Variants in SPATA1 observed in about 807,000 individuals in gnomAD.
SPATA1 encodes spermatogenesis associated 1.
In SPATA1, 57 loss-of-function variants were observed where a neutral mutation model predicts 59.6. The ratio of observed to expected loss-of-function variants is 0.96; its 90% CI spans 0.77 to 1.19. The LOEUF (loss-of-function observed/expected upper bound fraction) is 1.19, where lower values mean the gene tolerates loss of function less well. Among genes scored for constraint, SPATA1 ranks in the 50% most tolerant of loss-of-function variants. SPATA1 has a pLI of 0.00. For missense variants in SPATA1, 448 were observed against 480.7 expected (o/e 0.93, Z 0.64); for synonymous variants, 147 against 163.9 (o/e 0.90, Z 0.79).
chr1:84,553,379 A>T (rs1684333908), exon 13 of SPATA1: 1 of 163,108 alleles, frequency 6.1e-6, no homozygotes, highest in African/African-American at 2.4e-5. Flanking sequence ...TTTCATTTTA[A>T]TAATTTAATA....
At chr1:84,560,337 A>T (rs1159371163) in intron 4 of SPATA1, among the ~76,000 whole-genome samples, 1 of 152,114 alleles carries the variant, frequency 6.6e-6, no homozygotes, top group Non-Finnish European at 1.5e-5. Context: ...CATGAGAAGA[A>T]ATCCTTCACA....
At chr1:84,534,495 G>T (rs555552440) in intron 8 of SPATA1, among the ~76,000 whole-genome samples, 5 of 152,210 alleles carry the variant, frequency 3.3e-5, no homozygotes, top group Non-Finnish European at 7.4e-5. Flanking sequence ...GAGGCACAGA[G>T]AGGTTCCATG....
intron 8 of SPATA1, among the ~76,000 whole-genome samples, chr1:84,538,831 A>G (rs761697590): frequency 6.6e-6 from 1 of 152,156 alleles, no homozygotes; most frequent in Non-Finnish European, 1.5e-5. Flanking sequence ...ACAGGGTCTC[A>G]TTCTGTTGCC....
intron 4 of SPATA1, chr1:84,563,406 T>C: frequency 6.5e-7 from 1 of 1,537,338 alleles, no homozygotes; most frequent in South Asian, 1.3e-5. Flanking sequence ...TTTGCAATGG[T>C]ACAAACATGA....
At chr1:84,531,973 G>A (rs893379037) in intron 6 of SPATA1, among the ~76,000 whole-genome samples, 7 of 152,110 alleles carry the variant, frequency 4.6e-5, no homozygotes, top group African/African-American at 7.2e-5. Flanking sequence ...TGCCAGGTTC[G>A]TGTATCTTTT....
chr1:84,534,738 A>G (rs1395164689), intron 8 of SPATA1, among the ~76,000 whole-genome samples: 1 of 152,112 alleles, frequency 6.6e-6, no homozygotes, highest in East Asian at 1.9e-4. Context: ...TGGAGGTACT[A>G]TTATCTCTAT....
rs796577199 is a variant in SPATA1, at chr1:84,511,666, TTTTTC to T, written c.-137-4553_-137-4549del. ...TCAGGCATTTCAGGCTTTTTTTTTT[TTTTTC>T]TTTCTTTCTTTTTTTTTTTTTTTTT... On this transcript the variant is annotated intron_variant, in intron 1 of 12. Transcript: ENST00000490879. Among the ~76,000 whole-genome samples, 1,206 of 122,978 alleles carry T rather than the reference TTTTTC, an allele frequency of 9.8e-3. 13 individuals are homozygous for T. The highest frequency in any genetic ancestry group is 0.022 in the African/African-American group (573 of 25,716). 80.7% of individuals were successfully genotyped at this position (122,978 alleles called of 152,430 possible).
At chr1:84,553,776 G>A (rs1312464088) in exon 13 of SPATA1, 1 of 152,024 alleles carries the variant, frequency 6.6e-6, no homozygotes, top group Non-Finnish European at 1.5e-5. Flanking sequence ...CAATTTACAG[G>A]GGCAAAATGT....
At chr1:84,554,861 A>T (rs566173961), downstream of SPATA1, 3 of 695,170 alleles carry the variant, frequency 4.3e-6, no homozygotes, top group Non-Finnish European at 6.9e-6. Flanking sequence ...TTCAAATTCA[A>T]ACAATCAAAA....
chr1:84,543,327 A>G (rs947756699), intron 8 of SPATA1, among the ~76,000 whole-genome samples: 9 of 152,200 alleles, frequency 5.9e-5, no homozygotes, highest in African/African-American at 2.2e-4. Flanking sequence ...AAAAGGGTAG[A>G]TATTAGTCTG....
At chr1:84,548,750 C>CTCTTTT (rs1684173767) in intron 10 of SPATA1, 36 bp from the exon 11 acceptor site, 1 of 820,214 alleles carries the variant, frequency 1.2e-6, no homozygotes, top group Non-Finnish European at 1.5e-6. Context: ...AAGGCCTTTC[C>CTCTTTT]TTTTTTTTTT....
At chr1:84,548,212 C>T (rs191545953) in intron 10 of SPATA1, among the ~76,000 whole-genome samples, 25 of 151,920 alleles carry the variant, frequency 1.6e-4, no homozygotes, top group African/African-American at 6.0e-4. Flanking sequence ...CTATGATAAT[C>T]TAAAAGAAAG....
rs1348005532 is a variant in SPATA1, at chr1:84,549,121, T to C, written c.1125+157T>C. ...ATGACCTTATGTAATAGGAGGAGCA[T>C]TGCTGAGGAGATACAGTCAGCAGCT... On this transcript the variant is annotated intron_variant, in intron 11 of 12. Transcript: ENST00000490879. Among the ~76,000 whole-genome samples, 3 of 152,122 alleles carry C rather than the reference T, an allele frequency of 2.0e-5. No homozygotes were observed. The East Asian group carries it at 5.8e-4, about 29-fold the overall frequency.
chr1:84,522,405 T>C, exon 4 of SPATA1: 1 of 1,494,520 alleles, frequency 6.7e-7, no homozygotes, highest in Non-Finnish European at 8.9e-7. Flanking sequence ...CTCCTCAACT[T>C]ACTTTACGAG....
downstream of SPATA1, among the ~76,000 whole-genome samples, chr1:84,557,907 A>T (rs1027386026): frequency 7.2e-5 from 11 of 151,922 alleles, no homozygotes; most frequent in African/African-American, 2.7e-4. Flanking sequence ...TTTTTTTCTA[A>T]AGTGGCATTA....
At chr1:84,544,061 G>A in intron 8 of SPATA1, 141 bp from the exon 9 acceptor site, 1 of 621,394 alleles carries the variant, frequency 1.6e-6, no homozygotes, top group Non-Finnish European at 2.9e-6. Flanking sequence ...AGAATCTGCA[G>A]CTATAAATAC....
chr1:84,521,136 G>C (rs947285724), intron 3 of SPATA1, among the ~76,000 whole-genome samples: 3 of 144,920 alleles, frequency 2.1e-5, no homozygotes, highest in Non-Finnish European at 3.0e-5. Context: ...AGAGAAAGAG[G>C]GAAAAAGAAA....
chr1:84,517,745 T>C (rs556322840), intron 2 of SPATA1, among the ~76,000 whole-genome samples: 1 of 152,040 alleles, frequency 6.6e-6, no homozygotes, highest in Non-Finnish European at 1.5e-5. Context: ...TTCCAAGGGA[T>C]TGACTCCAGC....
chr1:84,536,588 T>C (rs1683692661), intron 8 of SPATA1, among the ~76,000 whole-genome samples: 1 of 151,400 alleles, frequency 6.6e-6, no homozygotes, highest in East Asian at 2.0e-4. Context: ...GGACTACAGG[T>C]GCCCGCCACC....
Sources: allele counts gnomAD v4.1 joint callset (sites outside exome capture counted in the v4.1 genomes callset), GRCh38; gene constraint gnomAD v4.1.1; transcripts MANE v1.5; gene names NCBI Gene and HGNC (gene_info 2026-07-23, HGNC 2026-07-21).